The following WWP2 variants were observed in gnomAD, a reference collection of about 807,000 sequenced individuals.
The protein encoded by WWP2 is WW domain containing E3 ubiquitin protein ligase 2.
Under a neutral mutation model 121.0 loss-of-function variants are expected in WWP2, and 57 were observed. The observed-to-expected ratio is 0.47, with a 90% confidence interval of 0.38 to 0.59. The LOEUF is 0.59. Among genes scored for constraint, WWP2 ranks in the 20% least tolerant of loss-of-function variants. The pLI is 0.00. For missense variants in WWP2, 962 were observed against 1,158.9 expected (o/e 0.83, Z 2.47); for synonymous variants, 449 against 441.3 (o/e 1.02, Z -0.22).
intron 2 of WWP2, chr16:69,788,108 A>C (rs1405009613): frequency 2.0e-5 from 3 of 152,236 alleles, no homozygotes; most frequent in Non-Finnish European, 4.4e-5. Flanking sequence ...CATGCCTGTA[A>C]TATCAGCACT....
Position 69,925,558 on chromosome 16 carries a change from C to T in WWP2, c.1234+74C>T. The T allele has an allele frequency of 1.3e-6, 2 of 1,557,168 alleles. No individual in the cohort carries two copies. Among genetic ancestry groups the T allele is most frequent in the Non-Finnish European group, 8.7e-7 (1 of 1,142,862 alleles). On this transcript the variant is annotated intron_variant, in intron 11 of 23. Coordinates refer to ENST00000359154, the MANE Select transcript of WWP2 (RefSeq NM_001270454.2). This position sits in a 1 kb window ranked among gnomAD's most constrained non-coding sequence, Gnocchi z 4.0. ...TGCTCTGTCCTCTCCTCCCGCGTGTCTTCCTTCCCTGTTCCTGTCCCTCTG... is the reference window on the plus strand; with the variant it reads ...TGCTCTGTCCTCTCCTCCCGCGTGTTTTCCTTCCCTGTTCCTGTCCCTCTG...
In WWP2 at chr16:69,901,811, C is replaced by T. The variant is rs112217881; in HGVS notation, c.915-6950C>T. 1.5e-3 allele frequency among the ~76,000 whole-genome samples: 231 copies of T among 152,128 alleles called. 2 individuals are homozygous for T. Among genetic ancestry groups the T allele is most frequent in the African/African-American group, 4.9e-3 (204 of 41,496 alleles). Reference sequence around the variant, plus strand: ...TTGAAAAGAATTGCTGTTAGCCAGGCGTGGTGGCGAGTCCCTGTAATCCCA... The same window carrying T: ...TTGAAAAGAATTGCTGTTAGCCAGGTGTGGTGGCGAGTCCCTGTAATCCCA... On this transcript the variant is annotated intron_variant, in intron 8 of 23. Transcript: ENST00000359154.
In WWP2 at chr16:69,940,679, C is replaced by G. The variant is rs552262549; in HGVS notation, c.*739C>G. ...TTTTTTGTTACGCTGCTGTCACTTT[C>G]TGTCCAGGAGCTGGCACCCCAGGTG... On this transcript the variant is annotated 3_prime_UTR_variant, in exon 24 of 24. Transcript: ENST00000359154. 6.6e-6 allele frequency: 1 copy of G among 152,408 alleles called. No individual in the cohort carries two copies. The highest frequency in any genetic ancestry group is 2.1e-4 in the South Asian group (1 of 4,824). The allele number at this position is 152,408 out of a possible 1,614,324, so 9.4% of individuals were successfully genotyped here. A position where few individuals can be genotyped will look rare whatever the true frequency, so the allele number is the denominator to read the frequency against.
At chr16:69,859,171 T>C (rs2057371571) in intron 6 of WWP2, among the ~76,000 whole-genome samples, 1 of 152,196 alleles carries the variant, frequency 6.6e-6, no homozygotes. Context: ...CACGGCTGAC[T>C]TTTCCCTTCA....
chr16:69,909,791 A>G (rs1272772420), intron 9 of WWP2: 3 of 759,902 alleles, frequency 3.9e-6, no homozygotes, highest in African/African-American at 3.8e-5. Context: ...AAAATTTCAA[A>G]TAGATATAGA....
intron 4 of WWP2, among the ~76,000 whole-genome samples, chr16:69,831,724 A>G (rs2056796409): frequency 1.3e-5 from 2 of 151,412 alleles, no homozygotes; most frequent in African/African-American, 4.9e-5. Context: ...TGTGTCTTCT[A>G]CCTTTTTATA....
intron 4 of WWP2, among the ~76,000 whole-genome samples, chr16:69,819,156 T>C (rs999727784): frequency 6.6e-6 from 1 of 152,202 alleles, no homozygotes; most frequent in Non-Finnish European, 1.5e-5. Context: ...ACTGCTGCTG[T>C]CACCCATGTC....
chr16:69,819,556 A>G (rs532036747), intron 4 of WWP2, among the ~76,000 whole-genome samples: 2 of 152,132 alleles, frequency 1.3e-5, no homozygotes, highest in South Asian at 4.1e-4. Flanking sequence ...CTTCTTTGAT[A>G]ATACTGTCTT....
At chr16:69,880,977 C>A (rs942153732) in intron 7 of WWP2, among the ~76,000 whole-genome samples, 1 of 152,142 alleles carries the variant, frequency 6.6e-6, no homozygotes. Context: ...ATTTCCAATT[C>A]CTGATCTTTT....
chr16:69,778,192 A>ATATATAT (rs1555544415), intron 1 of WWP2, among the ~76,000 whole-genome samples: 2 of 125,630 alleles, frequency 1.6e-5, no homozygotes, highest in South Asian at 2.7e-4. Flanking sequence ...ATATATATAT[A>ATATATAT]TTTTTTTTTT....
intron 10 of WWP2, among the ~76,000 whole-genome samples, chr16:69,919,705 C>T (rs928829463): frequency 2.0e-5 from 3 of 151,396 alleles, no homozygotes; most frequent in South Asian, 2.1e-4. Flanking sequence ...ACTTTAGATG[C>T]GAAGGTTGGG....
intron 1 of WWP2, among the ~76,000 whole-genome samples, chr16:69,765,948 C>T (rs2038718999): frequency 6.6e-6 from 1 of 152,088 alleles, no homozygotes; most frequent in African/African-American, 2.4e-5. Flanking sequence ...CAGGCATGAA[C>T]CATTGCACCT....
At position 69,931,192 on chromosome 16, in the gene WWP2, C is replaced by T. The variant is rs1477186513; in HGVS notation, c.1486C>T (p.Arg496Trp). The stretch of plus-strand genomic sequence containing the variant: ...CCCTGGTGCTTATGACCGCAGTTTT[C>T]GGTGGAAGTATCACCAGTTCCGTTT... ...GSPGAYDRSF[R>W]WKYHQFRFLC... The change falls in exon 14 of 24, where the codon CGG becomes TGG. Residue 496 changes from arginine to tryptophan, a missense_variant. Transcript: ENST00000359154. 6.2e-7 allele frequency: 1 copy of T among 1,614,150 alleles called. No individual in the cohort carries two copies. Among genetic ancestry groups the T allele is most frequent in the Non-Finnish European group, 8.5e-7 (1 of 1,180,026 alleles).
intron 4 of WWP2, among the ~76,000 whole-genome samples, chr16:69,832,956 G>C (rs2056818329): frequency 2.6e-5 from 4 of 152,220 alleles, no homozygotes; most frequent in African/African-American, 9.6e-5. Context: ...CTGGGCTCAA[G>C]TGATTCTCCT....
At chr16:69,813,594 C>A (rs1466717149) in intron 4 of WWP2, among the ~76,000 whole-genome samples, 1 of 152,232 alleles carries the variant, frequency 6.6e-6, no homozygotes, top group African/African-American at 2.4e-5. Context: ...TCCAGAGTAG[C>A]TGGGACTACA....
Position 69,935,772 on chromosome 16 carries a change from T to G in WWP2, c.1843-81T>G, listed in dbSNP as rs1597188657. On this transcript the variant is annotated intron_variant, in intron 17 of 23. Coordinates refer to ENST00000359154, the MANE Select transcript of WWP2 (RefSeq NM_001270454.2). The surrounding 1 kb of genome is among the most constrained non-coding windows in gnomAD (Gnocchi z 5.2). The stretch of plus-strand genomic sequence containing the variant: ...AGGAAGGCGGGTAGCGGTAGCAGAG[T>G]TTGATACCGAGCATCTGAGAGCTGG... 6.5e-7 allele frequency: 1 copy of G among 1,534,036 alleles called. No homozygotes were observed. The highest frequency in any genetic ancestry group is 8.7e-7 in the Non-Finnish European group (1 of 1,143,476).
intron 8 of WWP2, among the ~76,000 whole-genome samples, chr16:69,905,044 A>G (rs1041395863): frequency 6.6e-6 from 1 of 152,278 alleles, no homozygotes; most frequent in South Asian, 2.1e-4. Context: ...CAGGCAGCTG[A>G]TCAGACCACG....
intron 6 of WWP2, among the ~76,000 whole-genome samples, chr16:69,857,968 G>A (rs1459390952): frequency 6.6e-6 from 1 of 151,984 alleles, no homozygotes; most frequent in Non-Finnish European, 1.5e-5. Context: ...ACTCTATAAC[G>A]ACAAAATGAC....
intron 4 of WWP2, among the ~76,000 whole-genome samples, chr16:69,829,085 C>T (rs569737674): frequency 2.6e-5 from 4 of 152,224 alleles, no homozygotes; most frequent in East Asian, 1.9e-4. Context: ...TCCCAGGAGC[C>T]GTCTTCGATA....
Sources: gnomAD v4.1 joint callset for allele counts (sites outside exome capture counted in the v4.1 genomes callset) on GRCh38, gnomAD v4.1.1 for gene constraint, Gnocchi (gnomAD v3.1) non-coding constraint, MANE v1.5 for transcripts, NCBI Gene and HGNC (gene_info 2026-07-23, HGNC 2026-07-21) for gene names.